Variants in RBM12 observed in about 807,000 individuals in gnomAD.
The protein encoded by RBM12 is RNA binding motif protein 12, also known as RNA-binding protein 12.
RBM12 carries 24 observed loss-of-function variants against 37.2 expected under a neutral mutation model. That is an observed-to-expected ratio of 0.65 (90% CI 0.47 to 0.91). The LOEUF is 0.91. RBM12 is among the 40% of genes least tolerant of loss of function. The probability of loss-of-function intolerance (pLI) is 0.00; values close to 1 mark genes in which losing one functional copy is unlikely to be tolerated. For synonymous variants in RBM12, 420 were observed against 425.2 expected (o/e 0.99, Z 0.15); for missense variants, 1,061 against 1,183.2 (o/e 0.90, Z 1.52).
chr20:35,659,135 T>C (rs2034082697), intron 1 of RBM12, 121 bp from the exon 2 acceptor site: 3 of 316,022 alleles, frequency 9.5e-6, no homozygotes, highest in African/African-American at 5.7e-5. Context: ...TTAGAATGCA[T>C]ATCAAAAAAA....
Position 35,653,010 on chromosome 20 carries a change from A to G in RBM12, c.2313T>C (p.Gly771=), listed in dbSNP as rs532628923. 1 of 1,613,774 alleles carries G rather than the reference A, an allele frequency of 6.2e-7. No individual in the cohort carries two copies. The highest frequency in any genetic ancestry group is 1.3e-5 in the African/African-American group (1 of 75,042). Residue 771 remains glycine (G), a synonymous_variant, in exon 3 of 3, where the codon GGT becomes GGC. Coordinates refer to ENST00000374114, the MANE Select transcript of RBM12 (RefSeq NM_006047.6). ...GLPGLGLDVP[G]FGGGPNNLSG... ...TTAAATTGTTTGGTCCACCTCCAAA[A>G]CCCGGAACATCCAGTCCTAGACCAG...
At chr20:35,657,407 C>A (rs1055007919) in intron 2 of RBM12, among the ~76,000 whole-genome samples, 1 of 152,144 alleles carries the variant, frequency 6.6e-6, no homozygotes, top group Non-Finnish European at 1.5e-5. Flanking sequence ...CTTCAAAAAA[C>A]GGTTAATCAC....
chr20:35,658,874 T>C (rs1277845540), intron 2 of RBM12, 56 bp downstream of exon 2: 1 of 704,278 alleles, frequency 1.4e-6, no homozygotes, highest in Non-Finnish European at 2.6e-6. Context: ...TATTTCTTAA[T>C]AAGCTATCTC....
intron 1 of RBM12, among the ~76,000 whole-genome samples, chr20:35,660,464 C>G (rs191159592): frequency 7.9e-4 from 120 of 152,288 alleles, no homozygotes; most frequent in African/African-American, 2.7e-3. Flanking sequence ...AGTGATCCAC[C>G]CGCCTCAGCC....
At chr20:35,659,188 T>C (rs2034092033) in intron 1 of RBM12, among the ~76,000 whole-genome samples, 174 bp from the exon 2 acceptor site, 1 of 151,798 alleles carries the variant, frequency 6.6e-6, no homozygotes, top group South Asian at 2.1e-4. Flanking sequence ...CACACATGCT[T>C]TTTAGTTGGT....
chr20:35,663,619 C>A (rs1280170552), intron 1 of RBM12, among the ~76,000 whole-genome samples: 1 of 152,138 alleles, frequency 6.6e-6, no homozygotes, highest in Non-Finnish European at 1.5e-5. Context: ...GCCCAGAAAT[C>A]TCTTAAAGTC....
intron 1 of RBM12, among the ~76,000 whole-genome samples, chr20:35,663,479 G>C (rs1391763580): frequency 6.6e-6 from 1 of 152,122 alleles, no homozygotes; most frequent in Non-Finnish European, 1.5e-5. Context: ...CAAACCTTCA[G>C]TTGCCATCAC....
chr20:35,655,335 C>G lies in RBM12; in HGVS notation c.-13G>C, dbSNP rs2033831742. ...TGACCACAGCCATGCTGCGCTGAAA[C>G]CACACACACCTGCAGATGAGAAAAG... On this transcript the variant is annotated 5_prime_UTR_variant, in exon 3 of 3. Transcript: ENST00000374114. The G allele has an allele frequency of 6.3e-7, 1 of 1,598,142 alleles. No homozygotes were observed. The highest frequency in any genetic ancestry group is 1.3e-5 in the African/African-American group (1 of 74,674).
intron 2 of RBM12, among the ~76,000 whole-genome samples, chr20:35,656,787 G>A (rs1026926192): frequency 2.7e-5 from 4 of 146,996 alleles, no homozygotes; most frequent in African/African-American, 7.3e-5. Context: ...GATTACAGGC[G>A]TGAGCCACTG....
Position 35,653,459 on chromosome 20 carries a change from CT to C in RBM12, c.1863del (p.Glu622LysfsTer3). On this transcript the variant is annotated frameshift_variant, in exon 3 of 3. Transcript: ENST00000374114. LOFTEE classifies it high-confidence loss of function. ...TTTTTCTCAATCTCTCTCATATCTT[CT>C]AGGGTAACTACATGAACAAAAGCTT... is the stretch of plus-strand genomic sequence containing the variant. ...GREAFVHVVT[L>X]EDMREIEKNP... 6.2e-7 allele frequency: 1 copy of C among 1,614,152 alleles called. No homozygotes were observed. The highest frequency in any genetic ancestry group is 2.2e-5 in the East Asian group (1 of 44,888).
chr20:35,657,706 C>T (rs2033980487), intron 2 of RBM12, among the ~76,000 whole-genome samples: 1 of 152,172 alleles, frequency 6.6e-6, no homozygotes, highest in African/African-American at 2.4e-5. Context: ...AAGTGGAATA[C>T]AAGATTTATT....
In RBM12 at chr20:35,652,597, T is replaced by C. The variant is rs1159136753; in HGVS notation, c.2726A>G (p.Glu909Gly). The change falls in exon 3 of 3, where the codon GAA (glutamate) becomes GGA (glycine). Residue 909 changes from glutamate (E) to glycine (G), a missense_variant. By Grantham distance (98) the Glu-to-Gly change is moderately conservative. Around this residue, in one of 3 missense-constraint regions of RBM12, gnomAD observed 517 missense variants for 534.0 expected, o/e 0.97. Transcript: ENST00000374114. ...TAAGTCAATGACAGCAGCTGTGGCT[T>C]CATCCCGAGACTCAAAGGCCACCAT... ...EAMVAFESRD[E>G]ATAAVIDLND... 1 of 1,614,242 alleles carries C rather than the reference T, an allele frequency of 6.2e-7. No individual in the cohort carries two copies. Among genetic ancestry groups the C allele is most frequent in the East Asian group, 2.2e-5 (1 of 44,884 alleles).
At chr20:35,659,410 C>A (rs1209517898) in intron 1 of RBM12, among the ~76,000 whole-genome samples, 1 of 152,160 alleles carries the variant, frequency 6.6e-6, no homozygotes, top group Non-Finnish European at 1.5e-5. Context: ...GATGAAAAGG[C>A]ACAAGTTCGC....
intron 1 of RBM12, among the ~76,000 whole-genome samples, chr20:35,661,575 G>T (rs891746275): frequency 2.0e-5 from 3 of 152,226 alleles, no homozygotes; most frequent in African/African-American, 7.2e-5. Flanking sequence ...CATATTATCA[G>T]GAATTAGTCC....
rs1168971420 is a variant in RBM12 at position 35,649,113 on chromosome 20, T to TA, written c.*3410dup. 6.6e-6 allele frequency: 1 copy of TA among 152,604 alleles called. No individual in the cohort carries two copies. Among genetic ancestry groups the TA allele is most frequent in the East Asian group, 1.9e-4 (1 of 5,202 alleles). 9.5% of individuals were successfully genotyped at this position (152,604 alleles called of 1,614,324 possible). ...GTTTGGTTTCTAAAGTCTGGACTAC[T>TA]ATAGAACTGCCAGTAAAACAATTTA... On this transcript the variant is annotated 3_prime_UTR_variant, in exon 3 of 3. Coordinates refer to ENST00000374114, the MANE Select transcript of RBM12 (RefSeq NM_006047.6).
At chr20:35,662,167 C>CA (rs1469776484) in intron 1 of RBM12, among the ~76,000 whole-genome samples, 2 of 152,154 alleles carry the variant, frequency 1.3e-5, no homozygotes, top group East Asian at 3.8e-4. Context: ...ATTCCGTACT[C>CA]AAAGGCAGCA....
chr20:35,663,011 A>T (rs1307437198), intron 1 of RBM12, among the ~76,000 whole-genome samples: 2 of 152,254 alleles, frequency 1.3e-5, no homozygotes, highest in Non-Finnish European at 2.9e-5. Context: ...TCCCTGTTTC[A>T]TTAAAAATCT....
At chr20:35,658,802 A>AACACACACACACACAC (rs10542710) in intron 2 of RBM12, 128 bp downstream of exon 2, 5 of 473,466 alleles carry the variant, frequency 1.1e-5, no homozygotes, top group African/African-American at 6.4e-5. Context: ...AGCAAACAAA[A>AACACACACACACACAC]ACACACACAC....
At position 35,650,773 on chromosome 20, in the gene RBM12, T is replaced by C. The variant is rs41303791; in HGVS notation, c.*1751A>G. The C allele has an allele frequency of 5.9e-3, 899 of 152,724 alleles. 6 individuals carry two copies. Among genetic ancestry groups the C allele is most frequent in the Middle Eastern group, 0.014 (4 of 294 alleles). The allele number at this position is 152,724 out of a possible 1,614,324, so 9.5% of individuals were successfully genotyped here. Reference sequence around the variant, plus strand: ...TTATCAAATGAAACTGTTGCCACTCTTAAATTACACAACCGCTGTATTTCA... The same window carrying C: ...TTATCAAATGAAACTGTTGCCACTCCTAAATTACACAACCGCTGTATTTCA... On this transcript the variant is annotated 3_prime_UTR_variant, in exon 3 of 3. Coordinates refer to ENST00000374114, the MANE Select transcript of RBM12 (RefSeq NM_006047.6).
Sources: allele counts gnomAD v4.1 joint callset (sites outside exome capture counted in the v4.1 genomes callset), GRCh38; gene constraint gnomAD v4.1.1; regional missense constraint gnomAD v4.1.1; transcripts MANE v1.5; gene names NCBI Gene and HGNC (gene_info 2026-07-23, HGNC 2026-07-21).